Variants in CD33 observed in about 807,000 individuals in gnomAD.
CD33 encodes the protein CD33 molecule, also known as myeloid cell surface antigen CD33.
CD33 carries 25 observed loss-of-function variants against 31.4 expected under a neutral mutation model. The observed-to-expected ratio is 0.80, with a 90% CI of 0.58 to 1.11. The LOEUF is 1.11. CD33 is among the 50% of genes most tolerant of loss of function. The pLI, the probability that CD33 is intolerant of heterozygous loss-of-function variation, is 0.00. For synonymous variants in CD33, 176 were observed against 180.6 expected (o/e 0.97, Z 0.20); for missense variants, 407 against 448.1 (o/e 0.91, Z 0.83).
the CD33 span, among the ~76,000 whole-genome samples, chr19:51,217,912 C>T: frequency 6.6e-6 from 1 of 152,154 alleles, no homozygotes; most frequent in African/African-American, 2.4e-5. Flanking sequence ...CATTGTATAA[C>T]CCCCATTTTC....
the CD33 span, chr19:51,211,298 T>A: frequency 6.4e-7 from 1 of 1,570,030 alleles, no homozygotes; most frequent in East Asian, 2.2e-5. Flanking sequence ...CCCTGCACTT[T>A]CTCCCATCCC....
intron 4 of CD33, among the ~76,000 whole-genome samples, chr19:51,233,052 C>G (rs920810560): frequency 6.6e-6 from 1 of 152,194 alleles, no homozygotes; most frequent in Non-Finnish European, 1.5e-5. Flanking sequence ...GCCTGGAATG[C>G]AAGCACATTC....
chr19:51,223,863 C>A (rs1354825574), upstream of CD33, among the ~76,000 whole-genome samples: 1 of 152,120 alleles, frequency 6.6e-6, no homozygotes, highest in Non-Finnish European at 1.5e-5. Context: ...TGATACATGG[C>A]AAATTCCCAA....
chr19:51,235,424 C>T (rs1981712426), intron 5 of CD33, 171 bp downstream of exon 5: 2 of 1,322,796 alleles, frequency 1.5e-6, no homozygotes, highest in Admixed American at 5.1e-5. Flanking sequence ...GGGCCCTGAT[C>T]TCAGATGTCC....
At chr19:51,239,382 A>G (rs1982014349) in intron 6 of CD33, 136 bp from the exon 7 acceptor site, 2 of 606,938 alleles carry the variant, frequency 3.3e-6, no homozygotes, top group Non-Finnish European at 5.6e-6. Context: ...GCCTTAATTA[A>G]TTAACATTTG....
At position 51,225,418 on chromosome 19, in the gene CD33, C is replaced by G. The variant is rs202231341; in HGVS notation, c.238C>G (p.Gln80Glu). The G allele has an allele frequency of 3.7e-6, 6 of 1,614,166 alleles. No homozygotes were observed. The East Asian group carries it at 1.3e-4, about 36-fold the overall frequency. ...TCCAGTGGCCACAAACAAGCTAGAT[C>G]AAGAAGTACAGGAGGAGACTCAGGG... is the stretch of plus-strand genomic sequence containing the variant. ...DSPVATNKLD[Q>E]EVQEETQGRF... The change falls in exon 2 of 7, where the codon CAA (glutamine) becomes GAA (glutamate). Residue 80 changes from glutamine (Q) to glutamate (E), a missense_variant. By Grantham distance (29) the Gln-to-Glu change is conservative (BLOSUM62 2). Transcript: ENST00000262262.
intron 4 of CD33, 66 bp from the exon 5 acceptor site, chr19:51,235,091 G>A (rs1568436025): frequency 7.6e-7 from 1 of 1,313,506 alleles, no homozygotes; most frequent in Non-Finnish European, 1.1e-6. Flanking sequence ...TCTACATGCT[G>A]GAGAGGAGGA....
chr19:51,223,699 G>T (rs1980799360), upstream of CD33, among the ~76,000 whole-genome samples: 1 of 152,192 alleles, frequency 6.6e-6, no homozygotes, highest in African/African-American at 2.4e-5. Context: ...TTCTGCACTG[G>T]TTCATAGAAC....
chr19:51,214,300 C>T, the CD33 span, among the ~76,000 whole-genome samples: 5 of 150,216 alleles, frequency 3.3e-5, no homozygotes, highest in Admixed American at 6.7e-5. Flanking sequence ...CAGGTTCAAG[C>T]GATTCTCCTG....
the CD33 span, among the ~76,000 whole-genome samples, chr19:51,214,436 T>TCC: frequency 6.6e-6 from 1 of 151,946 alleles, no homozygotes; most frequent in Non-Finnish European, 1.5e-5. Flanking sequence ...GACCTCGTGA[T>TCC]CTGCCCACCT....
At position 51,235,662 on chromosome 19, in the gene CD33, G is replaced by A. The variant is rs35112940; in HGVS notation, c.910G>A (p.Gly304Arg). Residue 304 changes from glycine to arginine, a missense_variant, in exon 6 of 7, where the codon GGG (glycine) becomes AGG (arginine). Coordinates refer to ENST00000262262, the MANE Select transcript of CD33 (RefSeq NM_001772.4). ...VGRNDTHPTTGSASPKHQKKS... is the reference protein window; with the variant it reads ...VGRNDTHPTTRSASPKHQKKS... Reference sequence around the variant, plus strand: ...CAGGAATGACACCCACCCTACCACAGGGTCAGCCTCCCCGGTGAGTGATGG... The same window carrying A: ...CAGGAATGACACCCACCCTACCACAAGGTCAGCCTCCCCGGTGAGTGATGG... 0.19 allele frequency: 298,531 copies of A among 1,612,898 alleles called. 31,505 individuals are homozygous for A. The highest frequency in any genetic ancestry group is 0.22 in the Non-Finnish European group (253,899 of 1,179,352).
upstream of CD33, among the ~76,000 whole-genome samples, chr19:51,224,418 C>T (rs564473110): frequency 6.6e-5 from 10 of 152,232 alleles, no homozygotes; most frequent in East Asian, 3.9e-4. Context: ...CCTCTGTGCC[C>T]GAGCTGTCTT....
At chr19:51,220,568 CT>C (rs1400794159), upstream of CD33, among the ~76,000 whole-genome samples, 1 of 152,184 alleles carries the variant, frequency 6.6e-6, no homozygotes, top group Non-Finnish European at 1.5e-5. Context: ...TCTTGTAGGA[CT>C]CTTGTGATTA....
In CD33 at chr19:51,225,804, C is replaced by G; in HGVS notation, c.420C>G (p.Asp140Glu). ...GCATCCCCTCTTTCTCCTCACTAGA[C>G]TTGACCCACAGGCCCAAAATCCTCA... ...KSPQLSVHVT[D>E]LTHRPKILIP... is the part of the protein sequence containing the mutation. The change falls in exon 3 of 7, where the codon GAC becomes GAG. Residue 140 changes from aspartate (D) to glutamate (E), a missense_variant and splice_region_variant. Physicochemically the swap from Asp to Glu is conservative, Grantham distance 45. Transcript: ENST00000262262. 1.2e-6 allele frequency: 2 copies of G among 1,613,354 alleles called. No homozygotes were observed.
chr19:51,211,937 C>A, the CD33 span: 1 of 1,401,230 alleles, frequency 7.1e-7, no homozygotes, highest in Non-Finnish European at 1.0e-6. Context: ...TCTCCCTGGG[C>A]CCCAGGACCC....
Position 51,226,080 on chromosome 19 carries a change from C to G in CD33, c.696C>G (p.Thr232=). ...TTERTIQLNV[T]YVPQNPTTGI... ...AGAGAACCATCCAGCTCAACGTCACCTGTAAGTGCTGGGCCAGGATGCTGG... is the reference window on the plus strand; with the variant it reads ...AGAGAACCATCCAGCTCAACGTCACGTGTAAGTGCTGGGCCAGGATGCTGG... The change falls in exon 3 of 7, where the codon ACC becomes ACG. Residue 232 remains threonine, a splice_region_variant and synonymous_variant. Transcript: ENST00000262262. 1 of 1,613,664 alleles carries G rather than the reference C, an allele frequency of 6.2e-7. No individual in the cohort carries two copies. The highest frequency in any genetic ancestry group is 8.5e-7 in the Non-Finnish European group (1 of 1,179,716).
At chr19:51,220,791 T>C (rs1278356643), upstream of CD33, among the ~76,000 whole-genome samples, 1 of 152,172 alleles carries the variant, frequency 6.6e-6, no homozygotes, top group East Asian at 1.9e-4. Context: ...GCCTTCTCTT[T>C]CTATTACTTT....
chr19:51,235,616 A>G lies in CD33; in HGVS notation c.864A>G (p.Lys288=). 2.5e-6 allele frequency: 4 copies of G among 1,613,968 alleles called. No individual in the cohort carries two copies. Among genetic ancestry groups the G allele is most frequent in the Non-Finnish European group, 3.4e-6 (4 of 1,179,962 alleles). The stretch of plus-strand genomic sequence containing the variant: ...TCAGAGTGAAGACCCACAGGAGGAA[A>G]GCAGCCAGGACAGCAGTGGGCAGGA... ...IFFIVKTHRR[K]AARTAVGRND... The change falls in exon 6 of 7, where the codon AAA becomes AAG. Residue 288 remains lysine, a synonymous_variant. Coordinates refer to ENST00000262262, the MANE Select transcript of CD33 (RefSeq NM_001772.4).
rs149842697 is a variant in CD33 at position 51,233,834 on chromosome 19, G to A, written c.746-1323G>A. On this transcript the variant is annotated intron_variant, in intron 4 of 6. Coordinates refer to ENST00000262262, the MANE Select transcript of CD33 (RefSeq NM_001772.4). ...CTGGGGAGATGGAGCTGCAAAGCCC[G>A]GGTGCCTCCATGCTGCCCTCCTGGG... Among the ~76,000 whole-genome samples the A allele has an allele frequency of 2.3e-3, 354 of 152,296 alleles. 3 individuals carry two copies. The highest frequency in any genetic ancestry group is 2.6e-3 in the Non-Finnish European group (176 of 68,020).
Sources: gnomAD v4.1 joint callset for allele counts (sites outside exome capture counted in the v4.1 genomes callset) on GRCh38, gnomAD v4.1.1 for gene constraint, MANE v1.5 for transcripts, NCBI Gene and HGNC (gene_info 2026-07-23, HGNC 2026-07-21) for gene names.